Variants in RASEF observed in about 807,000 individuals in gnomAD.
RASEF encodes RAS and EF-hand domain containing, also known as ras and EF-hand domain-containing protein.
In RASEF, 68 loss-of-function variants were observed where a neutral mutation model predicts 90.1. That is an observed-to-expected ratio of 0.75 (90% CI 0.62 to 0.92). The LOEUF is 0.92. RASEF is among the 40% of genes least tolerant of loss of function. The pLI is 0.00. For missense variants in RASEF, 949 were observed against 937.2 expected (o/e 1.01, Z -0.16); for synonymous variants, 331 against 345.2 (o/e 0.96, Z 0.46).
chr9:83,011,084 C>G (rs968233175), intron 5 of RASEF, among the ~76,000 whole-genome samples: 5 of 152,146 alleles, frequency 3.3e-5, no homozygotes, highest in East Asian at 1.9e-4. Flanking sequence ...GAAAATTTCT[C>G]TCTCACATGT....
intron 13 of RASEF, 95 bp from the exon 14 acceptor site, chr9:82,997,221 C>T (rs754400417): frequency 1.3e-6 from 1 of 776,498 alleles, no homozygotes; most frequent in Non-Finnish European, 2.3e-6. Context: ...AAAATCAACA[C>T]CAGTTGAGAA....
chr9:83,041,763 T>C (rs138753120), intron 1 of RASEF, among the ~76,000 whole-genome samples: 1 of 152,280 alleles, frequency 6.6e-6, no homozygotes, highest in Admixed American at 6.5e-5. Flanking sequence ...TTTTCTGAAG[T>C]GTGTTTTTAA....
the RASEF span, among the ~76,000 whole-genome samples, chr9:83,207,579 A>G: frequency 2.8e-5 from 4 of 144,366 alleles, no homozygotes; most frequent in South Asian, 4.6e-4. Flanking sequence ...ACTGCCTCAG[A>G]GTTATCTCAG....
chr9:83,025,777 C>G lies in RASEF; in HGVS notation c.576G>C (p.Lys192Asn). 1 of 1,613,428 alleles carries G rather than the reference C, an allele frequency of 6.2e-7. No homozygotes were observed. The highest frequency in any genetic ancestry group is 1.6e-4 in the Middle Eastern group (1 of 6,062). ...TEMENLAIAV[K>N]RAQDKAAMQL... Reference sequence around the variant, plus strand: ...TTATAAAGGAAGGACTTCAATACCTCTTCACCGCAATGGCCAAATTTTCCA... The same window carrying G: ...TTATAAAGGAAGGACTTCAATACCTGTTCACCGCAATGGCCAAATTTTCCA... Residue 192 changes from lysine (K) to asparagine (N), a missense_variant and splice_region_variant, in exon 2 of 17, where the codon AAG becomes AAC. By Grantham distance (94) the Lys-to-Asn change is moderately conservative (BLOSUM62 0). This residue lies in a region of RASEF where 656 missense variants were observed against 592.2 expected (regional missense o/e 1.11). Transcript: ENST00000376447.
chr9:83,004,177 C>A (rs911921024), intron 9 of RASEF, among the ~76,000 whole-genome samples: 1 of 152,156 alleles, frequency 6.6e-6, no homozygotes, highest in Non-Finnish European at 1.5e-5. Flanking sequence ...AGAAACACTG[C>A]AGCATCATAT....
the RASEF span, among the ~76,000 whole-genome samples, chr9:83,197,816 G>A: frequency 6.6e-6 from 1 of 152,144 alleles, no homozygotes; most frequent in African/African-American, 2.4e-5. Flanking sequence ...GTTTATTAAC[G>A]ACTTGGCCAC....
intron 1 of RASEF, among the ~76,000 whole-genome samples, chr9:83,036,707 C>G (rs1430287541): frequency 4.0e-5 from 6 of 151,636 alleles, no homozygotes; most frequent in Non-Finnish European, 8.8e-5. Context: ...GCTGGAACAA[C>G]AACAAAAAAG....
chr9:82,988,374 C>G (rs1828748985), intron 16 of RASEF, among the ~76,000 whole-genome samples: 1 of 151,784 alleles, frequency 6.6e-6, no homozygotes, highest in African/African-American at 2.4e-5. Context: ...CTATTCACAG[C>G]CAAAAACAAA....
At chr9:83,005,065 T>C (rs1225658128) in intron 8 of RASEF, among the ~76,000 whole-genome samples, 1 of 152,152 alleles carries the variant, frequency 6.6e-6, no homozygotes, top group Non-Finnish European at 1.5e-5. Context: ...AGCTGATTTC[T>C]GTAGGAGGGT....
chr9:83,177,778 T>A, the RASEF span, among the ~76,000 whole-genome samples: 1 of 152,132 alleles, frequency 6.6e-6, no homozygotes, highest in Non-Finnish European at 1.5e-5. Context: ...GGATATGAGA[T>A]GAACATTTTC....
At chr9:83,018,563 T>C (rs1829385871) in intron 3 of RASEF, among the ~76,000 whole-genome samples, 2 of 152,116 alleles carry the variant, frequency 1.3e-5, no homozygotes, top group South Asian at 4.1e-4. Flanking sequence ...AGTTTTTGTT[T>C]GCTTTTTTTT....
At chr9:83,211,880 T>C in the RASEF span, among the ~76,000 whole-genome samples, 3 of 152,160 alleles carry the variant, frequency 2.0e-5, no homozygotes, top group African/African-American at 7.2e-5. Flanking sequence ...AGCCCAGCGC[T>C]CTTTCCACAG....
chr9:83,201,721 A>G, the RASEF span, among the ~76,000 whole-genome samples: 161 of 152,280 alleles, frequency 1.1e-3, no homozygotes, highest in Admixed American at 3.0e-3. Flanking sequence ...CATGCTTGGA[A>G]TATGTAAGTA....
chr9:83,025,702 G>T, intron 2 of RASEF, 73 bp downstream of exon 2: 1 of 1,453,252 alleles, frequency 6.9e-7, no homozygotes, highest in Non-Finnish European at 9.5e-7. Context: ...ATGCAGTTCA[G>T]TCCATTTGCC....
At chr9:83,177,126 C>T in the RASEF span, among the ~76,000 whole-genome samples, 2 of 151,970 alleles carry the variant, frequency 1.3e-5, no homozygotes, top group African/African-American at 2.4e-5. Flanking sequence ...TGTAAAGTTG[C>T]TTTTTAAATC....
chr9:83,110,397 C>T, the RASEF span, among the ~76,000 whole-genome samples: 4 of 152,096 alleles, frequency 2.6e-5, no homozygotes, highest in Non-Finnish European at 5.9e-5. Flanking sequence ...ACCCCTTCTC[C>T]CAATTCTTCA....
chr9:82,986,264 G>T (rs959717002), intron 16 of RASEF, among the ~76,000 whole-genome samples: 2 of 152,142 alleles, frequency 1.3e-5, no homozygotes, highest in Non-Finnish European at 1.5e-5. Flanking sequence ...TGTAAAATGG[G>T]TACAATAACC....
chr9:83,087,757 C>T, the RASEF span, among the ~76,000 whole-genome samples: 1 of 151,894 alleles, frequency 6.6e-6, no homozygotes, highest in East Asian at 1.9e-4. Context: ...TGTTTCTATT[C>T]TCTGTTTCAT....
chr9:83,048,590 G>A, intron 1 of RASEF: 1 of 985,106 alleles, frequency 1.0e-6, no homozygotes, highest in South Asian at 4.7e-5. Context: ...ATGAATGAAT[G>A]AAAAATAGGA....
Sources: gnomAD v4.1 joint callset for allele counts (sites outside exome capture counted in the v4.1 genomes callset) on GRCh38, gnomAD v4.1.1 for gene constraint, gnomAD v4.1.1 regional missense constraint, MANE v1.5 for transcripts, NCBI Gene and HGNC (gene_info 2026-07-23, HGNC 2026-07-21) for gene names.